Variants in IFNAR1 observed in about 807,000 individuals in gnomAD.
The protein encoded by IFNAR1 is interferon alpha and beta receptor subunit 1, also known as interferon alpha/beta receptor 1.
In IFNAR1, 47 loss-of-function variants were observed where a neutral mutation model predicts 62.1. The ratio of observed to expected loss-of-function variants is 0.76; its 90% CI spans 0.60 to 0.97. The LOEUF (loss-of-function observed/expected upper bound fraction) is 0.97. Among genes scored for constraint, IFNAR1 ranks in the 50% least tolerant of loss-of-function variants. The probability of loss-of-function intolerance (pLI) is 0.00; values close to 1 mark genes in which losing one functional copy is unlikely to be tolerated. For synonymous variants in IFNAR1, 219 were observed against 226.9 expected (o/e 0.97, Z 0.31); for missense variants, 638 against 654.5 (o/e 0.97, Z 0.27).
At position 33,343,625 on chromosome 21, in the gene IFNAR1, A is replaced by C; in HGVS notation, c.622A>C (p.Thr208Pro). Residue 208 changes from threonine to proline, a missense_variant, in exon 5 of 11, where the codon ACG becomes CCG. Physicochemically the swap from Thr to Pro is conservative, Grantham distance 38 (BLOSUM62 -1). Transcript: ENST00000270139. ...TCTAAAAGTTAAAGCAGCACTACTT[A>C]CGTCATGGAAAATTGGTGTCTATAG... ...YCLKVKAALL[T>P]SWKIGVYSPV... 6.2e-7 allele frequency: 1 copy of C among 1,607,690 alleles called. No homozygotes were observed. Among genetic ancestry groups the C allele is most frequent in the Non-Finnish European group, 8.5e-7 (1 of 1,174,384 alleles).
chr21:33,341,806 C>A (rs1033404595), intron 3 of IFNAR1, among the ~76,000 whole-genome samples: 6 of 152,074 alleles, frequency 3.9e-5, no homozygotes, highest in Non-Finnish European at 8.8e-5. Flanking sequence ...CTCAGCCTCC[C>A]GAGTACCTGG....
chr21:33,329,337 A>C (rs373293074), intron 1 of IFNAR1, among the ~76,000 whole-genome samples: 43 of 152,334 alleles, frequency 2.8e-4, no homozygotes, highest in African/African-American at 9.4e-4. Flanking sequence ...CAAATGGATG[A>C]GAACCAAGTT....
At position 33,341,106 on chromosome 21, in the gene IFNAR1, G is replaced by T. The variant is rs139080170; in HGVS notation, c.308G>T (p.Arg103Leu). The T allele has an allele frequency of 6.2e-7, 1 of 1,613,012 alleles. No homozygotes were observed. The highest frequency in any genetic ancestry group is 8.5e-7 in the Non-Finnish European group (1 of 1,179,220). The change falls in exon 3 of 11, where the codon CGT (arginine) becomes CTT (leucine). Residue 103 changes from arginine (R) to leucine (L), a missense_variant. Coordinates refer to ENST00000270139, the MANE Select transcript of IFNAR1 (RefSeq NM_000629.3). ...KLNVYEEIKL[R>L]IRAEKENTSS... is the part of the protein sequence containing the mutation. ...AATGTTTATGAAGAAATTAAATTGC[G>T]TATAAGAGCAGAAAAAGAAAACACT... is the stretch of plus-strand genomic sequence containing the variant.
At chr21:33,344,208 T>C (rs2083322643) in intron 5 of IFNAR1, among the ~76,000 whole-genome samples, 1 of 152,212 alleles carries the variant, frequency 6.6e-6, no homozygotes, top group African/African-American at 2.4e-5. Flanking sequence ...ACTTTTCATT[T>C]GTTCAGAATC....
chr21:33,324,892 G>GGTGTGT (rs36158718), upstream of IFNAR1: 48,544 of 569,880 alleles, frequency 0.085, 2,453 homozygotes, highest in South Asian at 0.15. Context: ...GCGGAGGGGC[G>GGTGTGT]GTGTGTGTGT....
chr21:33,352,400 C>G (rs531079157), intron 8 of IFNAR1, among the ~76,000 whole-genome samples: 8 of 152,104 alleles, frequency 5.3e-5, no homozygotes, highest in South Asian at 2.1e-4. Flanking sequence ...GCCAGGAGTT[C>G]AAGACCAGCC....
chr21:33,348,108 G>T (rs1024318864), intron 6 of IFNAR1, among the ~76,000 whole-genome samples: 1 of 152,172 alleles, frequency 6.6e-6, no homozygotes, highest in African/African-American at 2.4e-5. Flanking sequence ...GATGCTTTTA[G>T]CTGTTGGTTT....
chr21:33,329,785 C>T (rs962034991), intron 1 of IFNAR1, among the ~76,000 whole-genome samples: 1 of 152,156 alleles, frequency 6.6e-6, no homozygotes. Flanking sequence ...AAATGCAAAT[C>T]AAGTATGAAG....
intron 1 of IFNAR1, chr21:33,334,759 G>A (rs1361120126): frequency 2.5e-6 from 2 of 786,324 alleles, no homozygotes; most frequent in East Asian, 5.3e-5. Flanking sequence ...GTGAGGGGCA[G>A]CTGGATGTCC....
intron 6 of IFNAR1, among the ~76,000 whole-genome samples, chr21:33,348,389 A>G (rs1429402086): frequency 6.6e-6 from 1 of 152,244 alleles, no homozygotes; most frequent in Non-Finnish European, 1.5e-5. Flanking sequence ...ACTATCATAT[A>G]GCTACAATAG....
At chr21:33,353,034 C>A in intron 9 of IFNAR1, 126 bp downstream of exon 9, 2 of 565,940 alleles carry the variant, frequency 3.5e-6, no homozygotes, top group Admixed American at 3.6e-5. Flanking sequence ...AGAATGTTTT[C>A]TTCATGAACT....
intron 1 of IFNAR1, among the ~76,000 whole-genome samples, chr21:33,333,857 T>G (rs2083206849): frequency 2.6e-5 from 4 of 151,958 alleles, no homozygotes; most frequent in Admixed American, 2.6e-4. Context: ...TCTCCTGACC[T>G]CGTGATCCAC....
rs369043620 is a variant in IFNAR1, at chr21:33,341,108, A to G, written c.310A>G (p.Ile104Val). The G allele has an allele frequency of 2.7e-5, 44 of 1,613,330 alleles. No individual in the cohort carries two copies. In the African/African-American group the frequency reaches 3.7e-4, roughly 14 times the overall value. The change falls in exon 3 of 11, where the codon ATA becomes GTA. Residue 104 changes from isoleucine to valine, a missense_variant. Coordinates refer to ENST00000270139, the MANE Select transcript of IFNAR1 (RefSeq NM_000629.3). Reference protein sequence around the residue: ...LNVYEEIKLRIRAEKENTSSW... With the variant: ...LNVYEEIKLRVRAEKENTSSW... ...TGTTTATGAAGAAATTAAATTGCGT[A>G]TAAGAGCAGAAAAAGAAAACACTTC...
chr21:33,345,297 A>G lies in IFNAR1; in HGVS notation c.725A>G (p.Gln242Arg). 6.2e-7 allele frequency: 1 copy of G among 1,608,558 alleles called. No individual in the cohort carries two copies. Among genetic ancestry groups the G allele is most frequent in the Non-Finnish European group, 8.5e-7 (1 of 1,175,526 alleles). Residue 242 changes from glutamine (Q) to arginine (R), a missense_variant, in exon 6 of 11, where the codon CAG (glutamine) becomes CGG (arginine). Gln to Arg is a conservative substitution (Grantham distance 43). Transcript: ENST00000270139. ...AATATAGAAGTCAGTGTCCAAAATC[A>G]GAACTATGTTCTTAAATGGGATTAT... is the stretch of plus-strand genomic sequence containing the variant. ...PENIEVSVQN[Q>R]NYVLKWDYTY...
chr21:33,345,304 T>G lies in IFNAR1; in HGVS notation c.732T>G (p.Tyr244Ter). The G allele has an allele frequency of 6.2e-7, 1 of 1,608,500 alleles. No homozygotes were observed. Among genetic ancestry groups the G allele is most frequent in the Non-Finnish European group, 8.5e-7 (1 of 1,175,406 alleles). The change falls in exon 6 of 11, where the codon TAT becomes TAG. Residue 244 changes from tyrosine (Y) to a stop codon, truncating the protein, a stop_gained. Transcript: ENST00000270139. LOFTEE classifies it high-confidence loss of function. The part of the protein sequence containing the change: ...NIEVSVQNQN[Y>*]VLKWDYTYAN... ...AAGTCAGTGTCCAAAATCAGAACTA[T>G]GTTCTTAAATGGGATTATACATATG...
chr21:33,354,885 G>T (rs1266592517), intron 10 of IFNAR1, among the ~76,000 whole-genome samples: 1 of 152,002 alleles, frequency 6.6e-6, no homozygotes, highest in Non-Finnish European at 1.5e-5. Context: ...AATATTCATA[G>T]CTATTATTTA....
rs1601037915 is a variant in IFNAR1 at position 33,355,609 on chromosome 21, G to A, written c.*60G>A. The A allele has an allele frequency of 1.2e-6, 1 of 842,360 alleles. No individual in the cohort carries two copies. The highest frequency in any genetic ancestry group is 2.6e-5 in the East Asian group (1 of 38,646). The allele number at this position is 842,360 out of a possible 1,614,324, so 52.2% of individuals were successfully genotyped here. ...AGCAGGAGTTACACTGGGAGCCTGA[G>A]GTCCTCACCTTCCTCTCAGTAACTA... is the stretch of plus-strand genomic sequence containing the variant. On this transcript the variant is annotated 3_prime_UTR_variant, in exon 11 of 11. Transcript: ENST00000270139.
At chr21:33,349,694 G>A (rs2083382897) in intron 8 of IFNAR1, 151 bp downstream of exon 8, 3 of 604,140 alleles carry the variant, frequency 5.0e-6, no homozygotes, top group South Asian at 4.3e-5. Context: ...GGAGGCCAAG[G>A]CGAGAGGATC....
rs568742457 is a variant in IFNAR1 at position 33,345,897 on chromosome 21, C to G, written c.788+537C>G. 2.0e-5 allele frequency among the ~76,000 whole-genome samples: 3 copies of G among 152,344 alleles called. No individual in the cohort carries two copies. The South Asian group carries it at 6.2e-4, about 32-fold the overall frequency. On this transcript the variant is annotated intron_variant, in intron 6 of 10. Transcript: ENST00000270139. ...TGTGGTTGAGCAGAGGCTAGCTAAA[C>G]ATGGATGAAGTCCAGGCGCTGCATA...
Sources: allele counts gnomAD v4.1 joint callset (sites outside exome capture counted in the v4.1 genomes callset), GRCh38; gene constraint gnomAD v4.1.1; transcripts MANE v1.5; gene names NCBI Gene and HGNC (gene_info 2026-07-23, HGNC 2026-07-21).